ACLY: variants seen among roughly 807,000 people sequenced by gnomAD.
The protein encoded by ACLY is ATP-citrate synthase.
In ACLY, 41 loss-of-function variants were observed where a neutral mutation model predicts 133.0. That is an observed-to-expected ratio of 0.31 (90% CI 0.24 to 0.40). The LOEUF is 0.40. ACLY is among the 10% of genes least tolerant of loss of function. The probability of loss-of-function intolerance (pLI) is 1.00; values close to 1 mark genes in which losing one functional copy is unlikely to be tolerated. For missense variants in ACLY, 1,046 were observed against 1,453.8 expected (o/e 0.72, Z 4.56); for synonymous variants, 495 against 549.3 (o/e 0.90, Z 1.38).
intron 27 of ACLY, 109 bp from the exon 28 acceptor site, chr17:41,868,894 G>T: frequency 7.3e-7 from 1 of 1,368,792 alleles, no homozygotes; most frequent in Non-Finnish European, 1.0e-6. Context: ...TGCTCTGGGT[G>T]GTAGCATTAC....
chr17:41,923,446 C>A (rs1242789418), upstream of ACLY, among the ~76,000 whole-genome samples: 1 of 152,236 alleles, frequency 6.6e-6, no homozygotes, highest in Non-Finnish European at 1.5e-5. Context: ...CTTGAGCTAA[C>A]TAAGTGTTTT....
Position 41,901,757 on chromosome 17 carries a change from T to A in ACLY, c.1122A>T (p.Thr374=). ...YQGPLKEHEV[T]IFVRRGGPNY... is the part of the protein sequence containing the mutation. The stretch of plus-strand genomic sequence containing the variant: ...TGGGGCCACCTCTTCGGACAAAGAT[T>A]GTGACTTCGTGCTCCTTCAGGGGGC... The change falls in exon 11 of 29, where the codon ACA becomes ACT. Residue 374 remains threonine, a synonymous_variant. Transcript: ENST00000352035. 1 of 1,607,724 alleles carries A rather than the reference T, an allele frequency of 6.2e-7. No individual in the cohort carries two copies. Among genetic ancestry groups the A allele is most frequent in the Non-Finnish European group, 8.5e-7 (1 of 1,176,286 alleles).
intron 23 of ACLY, among the ~76,000 whole-genome samples, chr17:41,872,512 G>C (rs1555625331): frequency 6.6e-6 from 1 of 152,134 alleles, no homozygotes; most frequent in African/African-American, 2.4e-5. Context: ...TTTTAGTAGA[G>C]ACGAGATTTT....
At chr17:41,909,463 G>A (rs1369585059) in intron 5 of ACLY, 47 bp downstream of exon 5, 3 of 1,590,490 alleles carry the variant, frequency 1.9e-6, no homozygotes, top group Non-Finnish European at 1.7e-6. Context: ...GAGCCTGTCG[G>A]TCTTCTCATC....
chr17:41,875,821 G>C (rs4331383), intron 22 of ACLY, among the ~76,000 whole-genome samples: 112,412 of 150,932 alleles, frequency 0.74, 42,830 homozygotes, highest in East Asian at 0.93. Context: ...GCCTGCCTTG[G>C]CCTCCCAAAG....
chr17:41,898,848 G>A (rs928693959), intron 11 of ACLY, 63 bp from the exon 12 acceptor site: 4 of 1,532,732 alleles, frequency 2.6e-6, no homozygotes, highest in African/African-American at 1.4e-5. Context: ...AAGTCCATGT[G>A]ACCCTGCAAA....
chr17:41,874,525 A>G (rs4796727), intron 22 of ACLY, among the ~76,000 whole-genome samples: 137,409 of 151,894 alleles, frequency 0.9, 62,275 homozygotes, highest in East Asian at 1. Flanking sequence ...CTCCCACCTC[A>G]GCCTCCCCAA....
chr17:41,922,265 G>C (rs189963547), upstream of ACLY, among the ~76,000 whole-genome samples: 1 of 151,612 alleles, frequency 6.6e-6, no homozygotes, highest in Non-Finnish European at 1.5e-5. Context: ...TGTAGTCCCA[G>C]CTACTCAGGA....
In ACLY at chr17:41,887,268, G is replaced by A. The variant is rs191385283; in HGVS notation, c.1875+331C>T. 5.9e-5 allele frequency among the ~76,000 whole-genome samples: 9 copies of A among 151,664 alleles called. No individual in the cohort carries two copies. The East Asian group carries it at 1.6e-3, about 26-fold the overall frequency. ...AGCCTGACCAACATGGTGAAATCCC[G>A]TCTCGACTAAAAACACAAAAATTAG... On this transcript the variant is annotated intron_variant, in intron 17 of 28. Transcript: ENST00000352035.
intron 14 of ACLY, among the ~76,000 whole-genome samples, chr17:41,894,602 G>A (rs1478568682): frequency 1.3e-5 from 2 of 150,894 alleles, no homozygotes; most frequent in Non-Finnish European, 2.9e-5. Context: ...CGATTATTAC[G>A]CATTGCACGC....
At chr17:41,913,953 C>A in intron 1 of ACLY, 57 bp from the exon 2 acceptor site, 2 of 1,560,082 alleles carry the variant, frequency 1.3e-6, no homozygotes, top group Non-Finnish European at 8.8e-7. Flanking sequence ...GCACTATCTT[C>A]CCCAGCAGGG....
chr17:41,887,616 T>C lies in ACLY; in HGVS notation c.1858A>G (p.Ile620Val), dbSNP rs2049090228. The change falls in exon 17 of 29, where the codon ATC (isoleucine) becomes GTC (valine). Residue 620 changes from isoleucine (I) to valine (V), a missense_variant. Ile to Val is a conservative substitution (Grantham distance 29). Transcript: ENST00000352035. ...AAGCTCACAGTGGCAGGTCCGATGA[T>C]GGTCACTCCCTTCTGGTCCGCCTTC... ...IKKADQKGVT[I>V]IGPATVGGIK... 1.2e-6 allele frequency: 2 copies of C among 1,613,828 alleles called. No individual in the cohort carries two copies. Among genetic ancestry groups the C allele is most frequent in the African/African-American group, 1.3e-5 (1 of 75,028 alleles).
chr17:41,900,320 G>A (rs537902727), intron 11 of ACLY, among the ~76,000 whole-genome samples: 6 of 143,764 alleles, frequency 4.2e-5, no homozygotes, highest in African/African-American at 7.8e-5. Flanking sequence ...CCGAGATCGC[G>A]CCACTGCACT....
At chr17:41,891,652 G>C (rs1463147553) in intron 16 of ACLY, among the ~76,000 whole-genome samples, 1 of 151,892 alleles carries the variant, frequency 6.6e-6, no homozygotes, top group African/African-American at 2.4e-5. Context: ...CAAAGTGCTG[G>C]AATAACAGGC....
In ACLY at chr17:41,918,893, C is replaced by T; in HGVS notation, c.-37G>A. 1 of 1,288,468 alleles carries T rather than the reference C, an allele frequency of 7.8e-7. No individual in the cohort carries two copies. The highest frequency in any genetic ancestry group is 1.0e-6 in the Non-Finnish European group (1 of 988,408). 79.8% of individuals were successfully genotyped at this position (1,288,468 alleles called of 1,614,324 possible). A position where few individuals can be genotyped will look rare whatever the true frequency, so the allele number is the denominator to read the frequency against. Reference sequence around the variant, plus strand: ...TCCCGTGCTCACCTCTGCCGAAGTCCGTGCGCGGCGCTTCTTCCACAGGCC... The same window carrying T: ...TCCCGTGCTCACCTCTGCCGAAGTCTGTGCGCGGCGCTTCTTCCACAGGCC... On this transcript the variant is annotated 5_prime_UTR_variant, in exon 1 of 29. Coordinates refer to ENST00000352035, the MANE Select transcript of ACLY (RefSeq NM_001096.3).
chr17:41,903,598 C>CA (rs1173557984), intron 10 of ACLY, among the ~76,000 whole-genome samples: 3 of 150,802 alleles, frequency 2.0e-5, no homozygotes, highest in East Asian at 2.0e-4. Context: ...ACTAAAAATA[C>CA]AAAAAAAATT....
At chr17:41,880,003 T>C (rs1190206959) in intron 20 of ACLY, among the ~76,000 whole-genome samples, 1 of 152,160 alleles carries the variant, frequency 6.6e-6, no homozygotes, top group East Asian at 1.9e-4. Flanking sequence ...CTGCTGGGAT[T>C]ACAGGCATGA....
At chr17:41,925,705 G>A (rs1555635902) in intron 1 of ACLY, among the ~76,000 whole-genome samples, 1 of 152,124 alleles carries the variant, frequency 6.6e-6, no homozygotes, top group African/African-American at 2.4e-5. Flanking sequence ...GGATGTTGAA[G>A]TAATCCAGGA....
intron 22 of ACLY, among the ~76,000 whole-genome samples, chr17:41,874,843 G>T (rs1242433979): frequency 1.3e-5 from 2 of 149,364 alleles, no homozygotes; most frequent in East Asian, 2.0e-4. Context: ...AAAGTGCTGG[G>T]ATTACAGGCG....
Sources: allele counts gnomAD v4.1 joint callset (sites outside exome capture counted in the v4.1 genomes callset), GRCh38; gene constraint gnomAD v4.1.1; transcripts MANE v1.5; gene names NCBI Gene and HGNC (gene_info 2026-07-23, HGNC 2026-07-21).